The following LYPLAL1 variants were observed in gnomAD, a reference collection of about 807,000 sequenced individuals.
LYPLAL1 encodes lysophospholipase-like protein 1.
A neutral mutation model predicts 19.7 loss-of-function variants in LYPLAL1; 23 were observed. The ratio of observed to expected loss-of-function variants is 1.17; its 90% CI spans 0.84 to 1.65. LYPLAL1 has a LOEUF of 1.65. Ranked by LOEUF, LYPLAL1 falls within the 40% of genes most tolerant of loss-of-function variation. The probability of loss-of-function intolerance (pLI) is 0.00; values close to 1 mark genes in which losing one functional copy is unlikely to be tolerated. For synonymous variants in LYPLAL1, 119 were observed against 96.3 expected (o/e 1.24, Z -1.38); for missense variants, 355 against 279.4 (o/e 1.27, Z -1.93).
intron 1 of LYPLAL1, 176 bp downstream of exon 1, chr1:219,174,157 C>T (rs895445331): frequency 7.7e-6 from 11 of 1,436,964 alleles, no homozygotes; most frequent in Non-Finnish European, 1.0e-5. Context: ...CCCCAGCCTC[C>T]CCCGTTAGTC....
the LYPLAL1 span, among the ~76,000 whole-genome samples, chr1:219,373,530 G>A: frequency 6.6e-6 from 1 of 152,148 alleles, no homozygotes; most frequent in African/African-American, 2.4e-5. Context: ...GTGATTACAT[G>A]ATAAGACATT....
the LYPLAL1 span, among the ~76,000 whole-genome samples, chr1:219,345,893 C>T: frequency 6.6e-6 from 1 of 152,320 alleles, no homozygotes; most frequent in South Asian, 2.1e-4. Context: ...GTGATACTCA[C>T]ACACTCAACG....
chr1:219,356,209 G>A, the LYPLAL1 span, among the ~76,000 whole-genome samples: 2,410 of 152,164 alleles, frequency 0.016, 66 homozygotes, highest in African/African-American at 0.055. Context: ...GTTTAAAAAA[G>A]GGAAATCTGG....
At chr1:219,442,632 C>T in the LYPLAL1 span, 1 of 152,128 alleles carries the variant, frequency 6.6e-6, no homozygotes, top group Non-Finnish European at 1.5e-5. Flanking sequence ...GCCCTTCAGC[C>T]TTTGAATGCC....
chr1:219,375,788 C>T, the LYPLAL1 span, among the ~76,000 whole-genome samples: 1 of 146,136 alleles, frequency 6.8e-6, no homozygotes, highest in African/African-American at 2.5e-5. Flanking sequence ...GTCGTCCAGG[C>T]TGGAGTACAG....
chr1:219,227,695 G>T, the LYPLAL1 span, among the ~76,000 whole-genome samples: 3 of 152,048 alleles, frequency 2.0e-5, no homozygotes, highest in African/African-American at 7.2e-5. Context: ...TTAATCTTAG[G>T]ATTTTAACAC....
At chr1:219,258,364 T>C in the LYPLAL1 span, among the ~76,000 whole-genome samples, 1 of 151,918 alleles carries the variant, frequency 6.6e-6, no homozygotes, top group East Asian at 1.9e-4. Flanking sequence ...ATTATAAGAG[T>C]ATTGTTAGGG....
At chr1:219,431,193 G>T in the LYPLAL1 span, among the ~76,000 whole-genome samples, 1 of 152,246 alleles carries the variant, frequency 6.6e-6, no homozygotes, top group East Asian at 1.9e-4. Context: ...GAAGCCAGCT[G>T]GGTGTGTGGG....
chr1:219,279,328 A>G, the LYPLAL1 span, among the ~76,000 whole-genome samples: 1 of 152,202 alleles, frequency 6.6e-6, no homozygotes, highest in Non-Finnish European at 1.5e-5. Context: ...GAAAAAAGAA[A>G]GAAATGGGGC....
At chr1:219,337,681 C>T in the LYPLAL1 span, among the ~76,000 whole-genome samples, 6 of 152,082 alleles carry the variant, frequency 3.9e-5, no homozygotes, top group Admixed American at 3.3e-4. Context: ...AATCAGTAAA[C>T]CATAGCACAC....
At chr1:219,179,572 G>A (rs953258331) in intron 2 of LYPLAL1, 1 of 209,338 alleles carries the variant, frequency 4.8e-6, no homozygotes, top group Non-Finnish European at 9.4e-6. Context: ...ACCCCAAAAG[G>A]AAACTTAATA....
chr1:219,315,570 A>G, the LYPLAL1 span, among the ~76,000 whole-genome samples: 2,043 of 152,272 alleles, frequency 0.013, 53 homozygotes, highest in African/African-American at 0.047. Context: ...GGAGGAAAAA[A>G]AGTTCTTGGT....
chr1:219,355,245 T>C, the LYPLAL1 span, among the ~76,000 whole-genome samples: 6 of 152,242 alleles, frequency 3.9e-5, no homozygotes, highest in South Asian at 1.2e-3. Flanking sequence ...GGCTACTGCA[T>C]TGGACAGCAC....
chr1:219,398,998 T>G, the LYPLAL1 span, among the ~76,000 whole-genome samples: 1 of 152,220 alleles, frequency 6.6e-6, no homozygotes, highest in East Asian at 1.9e-4. Flanking sequence ...CATTTCATAG[T>G]GCAGTGACAG....
At chr1:219,204,436 A>T (rs1321543087) in intron 3 of LYPLAL1, among the ~76,000 whole-genome samples, 1 of 152,196 alleles carries the variant, frequency 6.6e-6, no homozygotes, top group Non-Finnish European at 1.5e-5. Flanking sequence ...GCCTGTCTTG[A>T]ACTCTTCATT....
At chr1:219,188,893 T>C (rs906848727) in intron 2 of LYPLAL1, among the ~76,000 whole-genome samples, 1 of 151,756 alleles carries the variant, frequency 6.6e-6, no homozygotes, top group African/African-American at 2.4e-5. Flanking sequence ...GTGATAGTTT[T>C]TAGCTGTTTA....
the LYPLAL1 span, among the ~76,000 whole-genome samples, chr1:219,225,934 T>A: frequency 3.3e-5 from 5 of 152,196 alleles, no homozygotes. Context: ...TGACTTTGTG[T>A]GTAGCATATT....
At chr1:219,256,448 T>A in the LYPLAL1 span, among the ~76,000 whole-genome samples, 2 of 142,948 alleles carry the variant, frequency 1.4e-5, no homozygotes, top group Non-Finnish European at 3.1e-5. Context: ...TTCTTTTCTT[T>A]CTCCCTTCCT....
At chr1:219,403,549 T>C in the LYPLAL1 span, among the ~76,000 whole-genome samples, 2 of 152,112 alleles carry the variant, frequency 1.3e-5, no homozygotes, top group African/African-American at 4.8e-5. Flanking sequence ...TTCAGGTGAA[T>C]TGACTGCAAT....
Sources: gnomAD v4.1 joint callset for allele counts (sites outside exome capture counted in the v4.1 genomes callset) on GRCh38, gnomAD v4.1.1 for gene constraint, MANE v1.5 for transcripts, NCBI Gene and HGNC (gene_info 2026-07-23, HGNC 2026-07-21) for gene names.